Variants in GNE observed in about 807,000 individuals in gnomAD.
GNE encodes glucosamine (UDP-N-acetyl)-2-epimerase/N-acetylmannosamine kinase.
In GNE, 41 loss-of-function variants were observed where a neutral mutation model predicts 61.8. That is an observed-to-expected ratio of 0.66 (90% CI 0.52 to 0.86). The LOEUF (loss-of-function observed/expected upper bound fraction) is 0.86. GNE is among the 40% of genes least tolerant of loss of function. The probability of loss-of-function intolerance (pLI) is 0.00; values close to 1 mark genes in which losing one functional copy is unlikely to be tolerated. For synonymous variants in GNE, 264 were observed against 326.4 expected (o/e 0.81, Z 2.06); for missense variants, 608 against 909.1 (o/e 0.67, Z 4.26).
Position 36,234,137 on chromosome 9 carries a change from G to A in GNE, c.770-5C>T. 6.2e-7 allele frequency: 1 copy of A among 1,607,758 alleles called. No individual in the cohort carries two copies. The highest frequency in any genetic ancestry group is 8.5e-7 in the Non-Finnish European group (1 of 1,174,258). On this transcript the variant is annotated splice_region_variant and splice_polypyrimidine_tract_variant and intron_variant, in intron 4 of 11. Transcript: ENST00000642385. The stretch of plus-strand genomic sequence containing the variant: ...CTCGAACCATCTCTTTGCTCCCTAT[G>A]AAAATGAAAAGAACCAATTGGTAAA...
rs1447808682 is a variant in GNE at position 36,231,083 on chromosome 9, AAG to A, written c.983-1977_983-1976del. On this transcript the variant is annotated intron_variant, in intron 5 of 11. Transcript: ENST00000642385. The stretch of plus-strand genomic sequence containing the variant: ...TGCTTCACTAAAAAAAAAAAAAAAA[AAG>A]AAAGAAAGAGAGAGAGAGAAAGAGA... Among the ~76,000 whole-genome samples, 9 of 127,852 alleles carry A rather than the reference AAG, an allele frequency of 7.0e-5. 1 individual carries two copies. The highest frequency in any genetic ancestry group is 1.1e-4 in the African/African-American group (4 of 36,822). The allele number at this position is 127,852 out of a possible 152,430, so 83.9% of individuals were successfully genotyped here. A position where few individuals can be genotyped will look rare whatever the true frequency, so the allele number is the denominator to read the frequency against.
chr9:36,264,618 T>C (rs1308658981), intron 1 of GNE, among the ~76,000 whole-genome samples: 1 of 152,148 alleles, frequency 6.6e-6, no homozygotes, highest in Non-Finnish European at 1.5e-5. Flanking sequence ...AAAGAGTATG[T>C]ACTGTTGAGA....
chr9:36,259,851 G>A (rs1830547787), upstream of GNE, among the ~76,000 whole-genome samples: 1 of 151,994 alleles, frequency 6.6e-6, no homozygotes, highest in Admixed American at 6.6e-5. Context: ...AGTAGAGACG[G>A]GGGTTTCACC....
chr9:36,216,106 G>C lies in GNE; in HGVS notation c.*1259C>G, dbSNP rs1235069181. 6 of 340,166 alleles carry C rather than the reference G, an allele frequency of 1.8e-5. No individual in the cohort carries two copies. The highest frequency in any genetic ancestry group is 2.1e-5 in the African/African-American group (1 of 46,566). 21.1% of individuals were successfully genotyped at this position (340,166 alleles called of 1,614,324 possible). ...TTCAACAAATGGTATCCAGGATTAG[G>C]GGGGATATCTGAGATGGGGGAGTGA... On this transcript the variant is annotated 3_prime_UTR_variant, in exon 12 of 12. Transcript: ENST00000642385.
chr9:36,275,194 C>A (rs1831216123), intron 1 of GNE, among the ~76,000 whole-genome samples: 1 of 152,150 alleles, frequency 6.6e-6, no homozygotes, highest in African/African-American at 2.4e-5. Flanking sequence ...TAAACCTGGG[C>A]TTTCTCTTCC....
At chr9:36,270,529 T>TTTTTTTGA (rs1830984651) in intron 1 of GNE, among the ~76,000 whole-genome samples, 1 of 149,192 alleles carries the variant, frequency 6.7e-6, no homozygotes, top group Non-Finnish European at 1.5e-5. Flanking sequence ...TTTTTTTTTT[T>TTTTTTTGA]TTTTTTGAGA....
chr9:36,272,073 A>G (rs1831049678), intron 1 of GNE, among the ~76,000 whole-genome samples: 1 of 152,060 alleles, frequency 6.6e-6, no homozygotes, highest in South Asian at 2.1e-4. Flanking sequence ...GTAACACAAC[A>G]CTCTTGCTCA....
Position 36,217,292 on chromosome 9 carries a change from G to A in GNE, c.*73C>T, listed in dbSNP as rs1292374363. On this transcript the variant is annotated 3_prime_UTR_variant, in exon 12 of 12. Coordinates refer to ENST00000642385, the MANE Select transcript of GNE (RefSeq NM_005476.7). ...ATACCAGATTTGATTGTTAAGAAACGGTCATCCTAAAGACAAGAACTTGAT... is the reference window on the plus strand; with the variant it reads ...ATACCAGATTTGATTGTTAAGAAACAGTCATCCTAAAGACAAGAACTTGAT... 6 of 976,138 alleles carry A rather than the reference G, an allele frequency of 6.1e-6. No homozygotes were observed. The highest frequency in any genetic ancestry group is 2.7e-5 in the South Asian group (2 of 73,446). The allele number at this position is 976,138 out of a possible 1,614,324, so 60.5% of individuals were successfully genotyped here. A position where few individuals can be genotyped will look rare whatever the true frequency, so the allele number is the denominator to read the frequency against.
chr9:36,237,886 CCA>C (rs1335198680), intron 3 of GNE, among the ~76,000 whole-genome samples: 1 of 151,968 alleles, frequency 6.6e-6, no homozygotes, highest in African/African-American at 2.4e-5. Context: ...AGCTTAGCTT[CCA>C]CATATCAGTG....
At chr9:36,271,197 T>C (rs1326155981) in intron 1 of GNE, among the ~76,000 whole-genome samples, 1 of 152,166 alleles carries the variant, frequency 6.6e-6, no homozygotes, top group Non-Finnish European at 1.5e-5. Flanking sequence ...CAAAGAGTTC[T>C]TTCTCTACCT....
chr9:36,269,052 C>T (rs1210498396), intron 1 of GNE, among the ~76,000 whole-genome samples: 1 of 151,678 alleles, frequency 6.6e-6, no homozygotes, highest in African/African-American at 2.4e-5. Context: ...ATCGCTTGAA[C>T]CTGGAAGTCG....
rs900527971 is a variant in GNE at position 36,214,891 on chromosome 9, A to G, written c.*2474T>C. ...TTCACACTAACCCACTAGGAAGGAT[A>G]TAGTTCAAATGTAATGTTGAGTCCT... is the stretch of plus-strand genomic sequence containing the variant. On this transcript the variant is annotated 3_prime_UTR_variant, in exon 12 of 12. Coordinates refer to ENST00000642385, the MANE Select transcript of GNE (RefSeq NM_005476.7). The G allele has an allele frequency of 1.3e-5, 2 of 152,262 alleles. No individual in the cohort carries two copies. The highest frequency in any genetic ancestry group is 6.5e-5 in the Admixed American group (1 of 15,288). 9.4% of individuals were successfully genotyped at this position (152,262 alleles called of 1,614,324 possible).
At chr9:36,260,281 T>TAA (rs538107305), upstream of GNE, among the ~76,000 whole-genome samples, 3,330 of 123,530 alleles carry the variant, frequency 0.027, 145 homozygotes, top group African/African-American at 0.089. Flanking sequence ...CCTCATCTCT[T>TAA]AAAAAAAAAA....
intron 1 of GNE, among the ~76,000 whole-genome samples, chr9:36,265,952 C>T (rs914044615): frequency 1.3e-5 from 2 of 151,814 alleles, no homozygotes; most frequent in Non-Finnish European, 2.9e-5. Flanking sequence ...TTTTTTGAGA[C>T]GGAGTCTCAC....
chr9:36,276,355 A>G (rs1478951181), intron 1 of GNE, among the ~76,000 whole-genome samples: 1 of 152,206 alleles, frequency 6.6e-6, no homozygotes, highest in Admixed American at 6.5e-5. Flanking sequence ...AGCACACTAT[A>G]TGTCGCATTT....
intron 8 of GNE, 97 bp from the exon 9 acceptor site, chr9:36,223,095 C>A: frequency 8.6e-7 from 1 of 1,161,232 alleles, no homozygotes; most frequent in East Asian, 2.3e-5. Flanking sequence ...TCATTCACCC[C>A]AGATCTCCTA....
At position 36,220,026 on chromosome 9, in the gene GNE, G is replaced by T; in HGVS notation, c.1634-6C>A. The T allele has an allele frequency of 6.2e-7, 1 of 1,612,410 alleles. No homozygotes were observed. The highest frequency in any genetic ancestry group is 8.5e-7 in the Non-Finnish European group (1 of 1,178,744). ...GATAATTCCACCACCGATTCCTACA[G>T]CGAGGGATAGAAATCACTGAGGGTG... On this transcript the variant is annotated splice_polypyrimidine_tract_variant and splice_region_variant and intron_variant, in intron 9 of 11. Coordinates refer to ENST00000642385, the MANE Select transcript of GNE (RefSeq NM_005476.7).
At chr9:36,219,802 T>C (rs1396119497) in intron 10 of GNE, 36 bp downstream of exon 10, 2 of 1,569,588 alleles carry the variant, frequency 1.3e-6, no homozygotes, top group African/African-American at 2.7e-5. Flanking sequence ...TTGTCTACTA[T>C]TTGGTTACTT....
chr9:36,263,430 G>A, upstream of GNE: 1 of 160,454 alleles, frequency 6.2e-6, no homozygotes, highest in Middle Eastern at 8.7e-4. Flanking sequence ...CTCGGCCAGG[G>A]CCCGGATTAC....
Sources: gnomAD v4.1 joint callset for allele counts (sites outside exome capture counted in the v4.1 genomes callset) on GRCh38, gnomAD v4.1.1 for gene constraint, MANE v1.5 for transcripts, NCBI Gene and HGNC (gene_info 2026-07-23, HGNC 2026-07-21) for gene names.